NUP58: variants seen among roughly 807,000 people sequenced by gnomAD.
NUP58 encodes nucleoporin p58/p45.
A neutral mutation model predicts 70.1 loss-of-function variants in NUP58; 17 were observed. That is an observed-to-expected ratio of 0.24 (90% CI 0.17 to 0.36). The LOEUF is 0.36. Among genes scored for constraint, NUP58 ranks in the 10% least tolerant of loss-of-function variants. The probability of loss-of-function intolerance (pLI) is 1.00; values close to 1 mark genes in which losing one functional copy is unlikely to be tolerated. For missense variants in NUP58, 644 were observed against 701.5 expected, an observed-to-expected ratio of 0.92 and a Z score of 0.93; for synonymous variants, 275 against 257.6, an observed-to-expected ratio of 1.07 and a Z score of -0.65.
Position 25,338,652 on chromosome 13 carries a change from T to G in NUP58, c.1551T>G (p.Ser517=). The change falls in exon 15 of 16, where the codon TCT becomes TCG. Residue 517 remains serine, a synonymous_variant. Transcript: ENST00000381736. ...SSNLGGFGTS[S]GFGCSTTGAS... ...TTCCACTAGGATTTGGAACTAGCTC[T>G]GGTTTTGGATGCAGCACCACAGGGG... 1.2e-6 allele frequency: 2 copies of G among 1,613,690 alleles called. No homozygotes were observed. Among genetic ancestry groups the G allele is most frequent in the Non-Finnish European group, 1.7e-6 (2 of 1,179,678 alleles).
chr13:25,305,130 G>GTTTTTTTTTTTTTT (rs562132125), intron 1 of NUP58, among the ~76,000 whole-genome samples: 6 of 58,570 alleles, frequency 1.0e-4, no homozygotes, highest in African/African-American at 3.1e-4. Flanking sequence ...GATCTGTGGG[G>GTTTTTTTTTTTTTT]TTTTTTTTTT....
intron 5 of NUP58, among the ~76,000 whole-genome samples, chr13:25,314,981 GTGTGTT>G (rs1163261147): frequency 6.6e-6 from 1 of 152,048 alleles, no homozygotes; most frequent in East Asian, 1.9e-4. Context: ...TAGTTCCAAA[GTGTGTT>G]TGTAAGACAA....
chr13:25,317,992 T>C (rs984676540), intron 6 of NUP58, among the ~76,000 whole-genome samples: 1 of 151,600 alleles, frequency 6.6e-6, no homozygotes, highest in African/African-American at 2.4e-5. Context: ...ACCTCCTAAG[T>C]AGCTGGGACC....
At chr13:25,334,286 T>C (rs1326991548) in intron 13 of NUP58, 3 of 985,236 alleles carry the variant, frequency 3.0e-6, no homozygotes, top group South Asian at 9.4e-5. Context: ...TAATTTAGGA[T>C]AGGTTTTTTA....
At chr13:25,308,162 A>G (rs1475186990) in intron 2 of NUP58, 5 of 417,496 alleles carry the variant, frequency 1.2e-5, no homozygotes, top group African/African-American at 6.0e-5. Context: ...GAAGGAAAAC[A>G]TACAAATATT....
chr13:25,326,007 G>A (rs1315466301), intron 10 of NUP58, among the ~76,000 whole-genome samples: 1 of 152,024 alleles, frequency 6.6e-6, no homozygotes, highest in East Asian at 1.9e-4. Context: ...CACATTCTAT[G>A]TGTGTATATA....
At chr13:25,337,599 C>CTA in intron 14 of NUP58, among the ~76,000 whole-genome samples, 1 of 152,230 alleles carries the variant, frequency 6.6e-6, no homozygotes, top group East Asian at 1.9e-4. Flanking sequence ...AAACATCATG[C>CTA]TAAATACAAA....
At chr13:25,312,835 A>G (rs2030737254) in intron 3 of NUP58, 48 bp from the exon 4 acceptor site, 3 of 1,535,036 alleles carry the variant, frequency 2.0e-6, no homozygotes, top group Non-Finnish European at 2.6e-6. Context: ...ACTTACAGGT[A>G]AAGTAGGATT....
At position 25,341,932 on chromosome 13, in the gene NUP58, T is replaced by A. The variant is rs1482445227; in HGVS notation, c.*1798T>A. 1 of 152,244 alleles carries A rather than the reference T, an allele frequency of 6.6e-6. No homozygotes were observed. Among genetic ancestry groups the A allele is most frequent in the African/African-American group, 2.4e-5 (1 of 41,446 alleles). The allele number at this position is 152,244 out of a possible 1,614,324, so 9.4% of individuals were successfully genotyped here. A position where few individuals can be genotyped will look rare whatever the true frequency, so the allele number is the denominator to read the frequency against. ...CACACGTATGTGCATGTGCCACACA[T>A]TTTTTGTATAATGTTGGGTTTGATT... On this transcript the variant is annotated 3_prime_UTR_variant, in exon 16 of 16. Coordinates refer to ENST00000381736, the MANE Select transcript of NUP58 (RefSeq NM_014089.4).
Position 25,331,417 on chromosome 13 carries a change from T to C in NUP58, c.1294T>C (p.Phe432Leu). Reference protein sequence around the residue: ...KMFLGDAVDVFETRRAEAKKW... With the variant: ...KMFLGDAVDVLETRRAEAKKW... ...GTTCTTGGGAGATGCTGTTGATGTG[T>C]TTGAAACAAGGCGAGCAGAAGCCAA... is the stretch of plus-strand genomic sequence containing the variant. The change falls in exon 13 of 16, where the codon TTT becomes CTT. Residue 432 changes from phenylalanine to leucine, a missense_variant. By Grantham distance (22) the Phe-to-Leu change is conservative. This residue lies in a region of NUP58 where 132 missense variants were observed against 203.9 expected (regional missense o/e 0.65). Coordinates refer to ENST00000381736, the MANE Select transcript of NUP58 (RefSeq NM_014089.4). 1 of 1,614,174 alleles carries C rather than the reference T, an allele frequency of 6.2e-7. No homozygotes were observed. The highest frequency in any genetic ancestry group is 8.5e-7 in the Non-Finnish European group (1 of 1,180,014).
At chr13:25,307,981 A>G (rs1343072843) in intron 2 of NUP58, 33 bp downstream of exon 2, 2 of 1,609,504 alleles carry the variant, frequency 1.2e-6, no homozygotes, top group Admixed American at 3.4e-5. Context: ...GTCAGAGAGT[A>G]GGCTTGGGAT....
Position 25,307,863 on chromosome 13 carries a change from T to A in NUP58, c.165T>A (p.Thr55=). The A allele has an allele frequency of 6.2e-7, 1 of 1,614,186 alleles. No homozygotes were observed. The highest frequency in any genetic ancestry group is 8.5e-7 in the Non-Finnish European group (1 of 1,180,008). Residue 55 remains threonine (T), a synonymous_variant, in exon 2 of 16, where the codon ACT becomes ACA. Coordinates refer to ENST00000381736, the MANE Select transcript of NUP58 (RefSeq NM_014089.4). The stretch of plus-strand genomic sequence containing the variant: ...TTGGAAGTACTTCAACTCCAGCAAC[T>A]ACATCTGCTCCTTCAAGTGGTTTTG... The part of the protein sequence containing the change: ...GNLGSTSTPA[T]TSAPSSGFGT...
chr13:25,309,312 C>T lies in NUP58; in HGVS notation c.286+30C>T, dbSNP rs770949817. 11 of 1,518,240 alleles carry T rather than the reference C, an allele frequency of 7.2e-6. 1 individual carries two copies. The South Asian group carries it at 1.3e-4, about 18-fold the overall frequency. The allele number at this position is 1,518,240 out of a possible 1,614,324, so 94.0% of individuals were successfully genotyped here. A position where few individuals can be genotyped will look rare whatever the true frequency, so the allele number is the denominator to read the frequency against. On this transcript the variant is annotated intron_variant, in intron 3 of 15. Coordinates refer to ENST00000381736, the MANE Select transcript of NUP58 (RefSeq NM_014089.4). ...GAATTTTTGAGGAAAGATCCCAGCT[C>T]TGTGGTCTTCTAATAATTTTAATAA... is the stretch of plus-strand genomic sequence containing the variant.
At chr13:25,329,417 CATTT>C (rs2031524470) in intron 12 of NUP58, among the ~76,000 whole-genome samples, 1 of 152,080 alleles carries the variant, frequency 6.6e-6, no homozygotes, top group Non-Finnish European at 1.5e-5. Context: ...GAAAATATAT[CATTT>C]TTGGTAATAT....
At chr13:25,315,548 A>G in intron 6 of NUP58, 81 bp downstream of exon 6, 3 of 909,096 alleles carry the variant, frequency 3.3e-6, no homozygotes, top group African/African-American at 1.7e-5. Flanking sequence ...CTTTGTGTGG[A>G]AGATTAGCAG....
At chr13:25,346,182 C>T (rs2032047224), downstream of NUP58, among the ~76,000 whole-genome samples, 1 of 152,158 alleles carries the variant, frequency 6.6e-6, no homozygotes, top group Non-Finnish European at 1.5e-5. Flanking sequence ...CAGTGCTAAG[C>T]AGGGGCCAGG....
At chr13:25,314,355 A>G (rs1347404327) in intron 5 of NUP58, among the ~76,000 whole-genome samples, 3 of 152,234 alleles carry the variant, frequency 2.0e-5, no homozygotes, top group African/African-American at 7.2e-5. Context: ...CTCTTCTAAA[A>G]AGAACAAAAA....
chr13:25,321,665 C>A (rs1378636862), intron 9 of NUP58, among the ~76,000 whole-genome samples: 1 of 152,102 alleles, frequency 6.6e-6, no homozygotes, highest in Non-Finnish European at 1.5e-5. Context: ...TCCTATAATC[C>A]CAGCACTTTT....
intron 13 of NUP58, chr13:25,333,657 T>C (rs1170860587): frequency 1.7e-5 from 17 of 985,306 alleles, no homozygotes; most frequent in Non-Finnish European, 2.0e-5. Context: ...TTTTTAGTCA[T>C]GTCACCATGA....
Sources: gnomAD v4.1 joint callset for allele counts (sites outside exome capture counted in the v4.1 genomes callset) on GRCh38, gnomAD v4.1.1 for gene constraint, gnomAD v4.1.1 regional missense constraint, MANE v1.5 for transcripts, NCBI Gene and HGNC (gene_info 2026-07-23, HGNC 2026-07-21) for gene names.